COL4A5: variants seen among roughly 807,000 people sequenced by gnomAD.
The protein encoded by COL4A5 is collagen alpha-5(IV) chain.
Under a neutral mutation model 130.2 loss-of-function variants are expected in COL4A5, and 26 were observed. The ratio of observed to expected loss-of-function variants is 0.20; its 90% CI spans 0.15 to 0.28. The LOEUF is 0.28. COL4A5 is among the 10% of genes least tolerant of loss of function. The pLI is 1.00. For synonymous variants in COL4A5, 496 were observed against 439.6 expected (o/e 1.13, Z -1.60); for missense variants, 1,131 against 1,344.3 (o/e 0.84, Z 2.48).
At chrX:108,597,346 T>C in intron 23 of COL4A5, 31 bp from the exon 24 acceptor site, 1 of 1,166,253 alleles carries the variant, frequency 8.6e-7, no homozygotes, top group Non-Finnish European at 1.2e-6. Flanking sequence ...CTTTTTCCAC[T>C]CTTTTTTCTT....
At position 108,569,839 on chromosome X, in the gene COL4A5, C is replaced by G. The variant is rs765989248; in HGVS notation, c.384+1018C>G. 9.1e-5 allele frequency among the ~76,000 whole-genome samples: 10 copies of G among 110,120 alleles called. No homozygotes were observed. The South Asian group carries it at 3.9e-3, about 43-fold the overall frequency. Reference sequence around the variant, plus strand: ...GGATTACAGGCACGCACCACAATGCCCAGCTAATTGTTTTGTATTTTTAGT... The same window carrying G: ...GGATTACAGGCACGCACCACAATGCGCAGCTAATTGTTTTGTATTTTTAGT... On this transcript the variant is annotated intron_variant, in intron 6 of 52. Coordinates refer to ENST00000328300, the MANE Select transcript of COL4A5 (RefSeq NM_033380.3).
At chrX:108,444,472 G>T (rs995813058) in intron 1 of COL4A5, among the ~76,000 whole-genome samples, 4 of 111,532 alleles carry the variant, frequency 3.6e-5, no homozygotes, top group Non-Finnish European at 7.5e-5. Flanking sequence ...ACCCGCCTTG[G>T]CCTCCCAAAG....
chrX:108,521,430 C>T (rs937376425), intron 1 of COL4A5, among the ~76,000 whole-genome samples: 1 of 110,461 alleles, frequency 9.1e-6, no homozygotes, highest in Non-Finnish European at 1.9e-5. Flanking sequence ...GGTTTGTCTA[C>T]CTTCTAGTAC....
chrX:108,509,546 C>G (rs547514605), intron 1 of COL4A5, among the ~76,000 whole-genome samples: 2 of 111,974 alleles, frequency 1.8e-5, no homozygotes, highest in East Asian at 5.6e-4. Context: ...GGCCAACACA[C>G]ATGAAAAAAT....
rs749580257 is a variant in COL4A5 at position 108,692,805 on chromosome X, T to C, written c.4586T>C (p.Ile1529Thr). ...ACCATGCCTTTCATGTTCTGCAACA[T>C]CAATAATGTTTGCAACTTTGCTTCA... is the stretch of plus-strand genomic sequence containing the variant. ...FSTMPFMFCN[I>T]NNVCNFASRN... The change falls in exon 50 of 53, where the codon ATC becomes ACC. Residue 1529 changes from isoleucine (I) to threonine (T), a missense_variant. By Grantham distance (89) the Ile-to-Thr change is moderately conservative. Coordinates refer to ENST00000328300, the MANE Select transcript of COL4A5 (RefSeq NM_033380.3). 8.3e-6 allele frequency: 10 copies of C among 1,209,044 alleles called. No individual in the cohort carries two copies. Among genetic ancestry groups the C allele is most frequent in the Non-Finnish European group, 1.1e-5 (10 of 894,537 alleles).
chrX:108,596,822 AT>A (rs2066523766), intron 22 of COL4A5, among the ~76,000 whole-genome samples, 175 bp from the exon 23 acceptor site: 1 of 112,120 alleles, frequency 8.9e-6, no homozygotes, highest in Non-Finnish European at 1.9e-5. Flanking sequence ...TGATTACCTC[AT>A]TTTGTGAACA....
chrX:108,658,188 C>A (rs1380534560), intron 37 of COL4A5, among the ~76,000 whole-genome samples: 2 of 111,177 alleles, frequency 1.8e-5, no homozygotes, highest in East Asian at 2.8e-4. Context: ...TTATCAAATT[C>A]TTTTTCTGAA....
intron 1 of COL4A5, among the ~76,000 whole-genome samples, chrX:108,538,656 G>A (rs1280649163): frequency 9.0e-6 from 1 of 111,412 alleles, no homozygotes; most frequent in Non-Finnish European, 1.9e-5. Context: ...AAGATTGATG[G>A]GCATTATTTG....
intron 10 of COL4A5, among the ~76,000 whole-genome samples, chrX:108,577,526 CAA>C (rs768758476): frequency 9.0e-6 from 1 of 110,693 alleles, no homozygotes; most frequent in Admixed American, 9.6e-5. Context: ...CTCAGATACA[CAA>C]AGTCATATTG....
chrX:108,652,149 T>TCAC (rs1478555464), intron 36 of COL4A5, among the ~76,000 whole-genome samples: 2 of 111,923 alleles, frequency 1.8e-5, no homozygotes, highest in African/African-American at 6.5e-5. Flanking sequence ...TGGATATGTG[T>TCAC]AGTACTTTGA....
chrX:108,460,206 A>G lies in COL4A5; in HGVS notation c.81+20000A>G, dbSNP rs1444062092. On this transcript the variant is annotated intron_variant, in intron 1 of 52. Coordinates refer to ENST00000328300, the MANE Select transcript of COL4A5 (RefSeq NM_033380.3). ...TTGCTAGCTAGCTATAAACAGGCCA[A>G]TTTGCCCTAGCTCTAAGTTTATGTT... 3.6e-5 allele frequency among the ~76,000 whole-genome samples: 4 copies of G among 111,755 alleles called. No individual in the cohort carries two copies. In the East Asian group the frequency reaches 8.3e-4, roughly 23 times the overall value.
At chrX:108,639,033 C>T (rs1196910061) in intron 36 of COL4A5, among the ~76,000 whole-genome samples, 1 of 109,640 alleles carries the variant, frequency 9.1e-6, no homozygotes, top group Non-Finnish European at 1.9e-5. Flanking sequence ...ATTTTTTTTT[C>T]CAGAAACGAA....
chrX:108,647,086 A>G (rs1029967806), intron 36 of COL4A5, among the ~76,000 whole-genome samples: 1 of 110,525 alleles, frequency 9.0e-6, no homozygotes, highest in African/African-American at 3.3e-5. Context: ...TTCCATATGA[A>G]CTTTAAAGTA....
At position 108,473,634 on chromosome X, in the gene COL4A5, T is replaced by TA. The variant is rs1556359558; in HGVS notation, c.81+33428_81+33429insA. 2.4e-3 allele frequency among the ~76,000 whole-genome samples: 54 copies of TA among 22,899 alleles called. 1 individual carries two copies. The highest frequency in any genetic ancestry group is 0.014 in the South Asian group (9 of 652). 19.9% of individuals were successfully genotyped at this position (22,899 alleles called of 115,157 possible). A position where few individuals can be genotyped will look rare whatever the true frequency, so the allele number is the denominator to read the frequency against. Reference sequence around the variant, plus strand: ...ATATGTATATATATATATATATATATTTTTTTTTTTTTGAGATGAAGTCTT... The same window carrying TA: ...ATATGTATATATATATATATATATATATTTTTTTTTTTTGAGATGAAGTCTT... On this transcript the variant is annotated intron_variant, in intron 1 of 52. Coordinates refer to ENST00000328300, the MANE Select transcript of COL4A5 (RefSeq NM_033380.3).
intron 36 of COL4A5, among the ~76,000 whole-genome samples, chrX:108,627,857 C>T (rs2067181974): frequency 1.8e-5 from 2 of 110,532 alleles, no homozygotes; most frequent in Non-Finnish European, 1.9e-5. Flanking sequence ...AATTTTAATA[C>T]TCATTTTTTA....
At chrX:108,596,763 T>C (rs1319124357) in intron 22 of COL4A5, among the ~76,000 whole-genome samples, 1 of 112,393 alleles carries the variant, frequency 8.9e-6, no homozygotes, top group Non-Finnish European at 1.9e-5. Flanking sequence ...TTTCTTAGGA[T>C]ACAATATTGT....
At chrX:108,694,287 G>A (rs776740710) in intron 50 of COL4A5, 5 of 120,452 alleles carry the variant, frequency 4.2e-5, no homozygotes, top group Non-Finnish European at 8.5e-5. Context: ...CTGGGTACCT[G>A]CCCAGCATTC....
At position 108,670,242 on chromosome X, in the gene COL4A5, C is replaced by T. The variant is rs369531747; in HGVS notation, c.3799+6C>T. ...TCCCTATCCAGGTCCTACAGGTTAGCTCCTTAACTCCAAAGTAGTAACTGC... is the reference window on the plus strand; with the variant it reads ...TCCCTATCCAGGTCCTACAGGTTAGTTCCTTAACTCCAAAGTAGTAACTGC... On this transcript the variant is annotated splice_donor_region_variant and intron_variant, in intron 42 of 52. Transcript: ENST00000328300. 1.7e-6 allele frequency: 2 copies of T among 1,208,420 alleles called. No homozygotes were observed. The highest frequency in any genetic ancestry group is 3.5e-5 in the African/African-American group (2 of 57,214).
At chrX:108,621,014 CT>C (rs1040535637) in intron 31 of COL4A5, among the ~76,000 whole-genome samples, 9 of 111,068 alleles carry the variant, frequency 8.1e-5, no homozygotes, top group Non-Finnish European at 1.3e-4. Flanking sequence ...CTCTCTCTCC[CT>C]TTTTTTCTTT....
Sources: gnomAD v4.1 joint callset for allele counts (sites outside exome capture counted in the v4.1 genomes callset) on GRCh38, gnomAD v4.1.1 for gene constraint, MANE v1.5 for transcripts, NCBI Gene and HGNC (gene_info 2026-07-23, HGNC 2026-07-21) for gene names.